CDC14B: variants seen among roughly 807,000 people sequenced by gnomAD.
CDC14B encodes dual specificity protein phosphatase CDC14B.
CDC14B carries 22 observed loss-of-function variants against 64.2 expected under a neutral mutation model. That is an observed-to-expected ratio of 0.34 (90% CI 0.24 to 0.49). CDC14B has a LOEUF of 0.49. Ranked by LOEUF, CDC14B falls within the 20% of genes least tolerant of loss-of-function variation. The pLI, the probability that CDC14B is intolerant of heterozygous loss-of-function variation, is 0.99. For synonymous variants in CDC14B, 191 were observed against 215.8 expected (o/e 0.89, Z 1.01); for missense variants, 498 against 629.9 (o/e 0.79, Z 2.24).
intron 1 of CDC14B, chr9:96,567,113 G>C: frequency 6.1e-6 from 4 of 660,368 alleles, no homozygotes; most frequent in Non-Finnish European, 9.4e-6. Context: ...CCCCAGCTGG[G>C]AACGCGGGGC....
At chr9:96,543,229 C>G (rs1840330513) in intron 5 of CDC14B, among the ~76,000 whole-genome samples, 1 of 151,162 alleles carries the variant, frequency 6.6e-6, no homozygotes, top group South Asian at 2.1e-4. Context: ...CCAGCTACTC[C>G]GAGGCTGAGG....
chr9:96,561,645 A>AT (rs1011042940), intron 4 of CDC14B, among the ~76,000 whole-genome samples: 1 of 145,782 alleles, frequency 6.9e-6, no homozygotes, highest in African/African-American at 2.6e-5. Context: ...CGCCCGGCTC[A>AT]TTTTTTGTAT....
chr9:96,569,218 T>G (rs1844331303), intron 1 of CDC14B, among the ~76,000 whole-genome samples: 1 of 152,190 alleles, frequency 6.6e-6, no homozygotes, highest in African/African-American at 2.4e-5. Context: ...ACAGTGTTTT[T>G]CCAAAGCCGA....
At position 96,517,643 on chromosome 9, in the gene CDC14B, C is replaced by CAAA. The variant is rs1016405679; in HGVS notation, c.1343+4860_1343+4862dup. Among the ~76,000 whole-genome samples the CAAA allele has an allele frequency of 1.4e-3, 49 of 34,216 alleles. 1 individual carries two copies. The highest frequency in any genetic ancestry group is 2.5e-3 in the African/African-American group (17 of 6,778). 22.4% of individuals were successfully genotyped at this position (34,216 alleles called of 152,430 possible). ...TGGGCGACAGAGCAAGACTCCGTCT[C>CAAA]AAAAAAAAAAAAAAAAAAAAAGAAG... On this transcript the variant is annotated intron_variant, in intron 12 of 13. Coordinates refer to ENST00000375241, the MANE Select transcript of CDC14B (RefSeq NM_033331.4).
In CDC14B at chr9:96,503,786, G is replaced by A. The variant is rs754546622; in HGVS notation, c.1464C>T (p.Leu488=). 3.1e-6 allele frequency: 5 copies of A among 1,613,626 alleles called. No individual in the cohort carries two copies. The highest frequency in any genetic ancestry group is 4.2e-6 in the Non-Finnish European group (5 of 1,179,762). ...AGACTGTTTTAGTCCTTGAAATGGA[G>A]AGACTACAGGGGGAAAAAAAAGGAT... ...SASRKSSVKS[L]SISRTKTVLR The change falls in exon 14 of 14, where the codon CTC becomes CTT. Residue 488 remains leucine (L), a synonymous_variant. Coordinates refer to ENST00000375241, the MANE Select transcript of CDC14B (RefSeq NM_033331.4).
intron 4 of CDC14B, among the ~76,000 whole-genome samples, chr9:96,554,730 T>C (rs1842279407): frequency 6.6e-6 from 1 of 152,210 alleles, no homozygotes; most frequent in Non-Finnish European, 1.5e-5. Flanking sequence ...TATTTGCCAA[T>C]CTATAACTTT....
At chr9:96,530,785 T>C (rs1054890453) in intron 9 of CDC14B, among the ~76,000 whole-genome samples, 2 of 152,144 alleles carry the variant, frequency 1.3e-5, no homozygotes, top group Admixed American at 6.6e-5. Context: ...CCATTGAGTA[T>C]GATGTTAGCT....
chr9:96,589,686 C>T (rs774140163), intron 1 of CDC14B, among the ~76,000 whole-genome samples: 18 of 152,202 alleles, frequency 1.2e-4, no homozygotes, highest in East Asian at 1.9e-4. Flanking sequence ...AGGCCGGGCA[C>T]GGTGGCTCAC....
chr9:96,617,276 A>G (rs1460426453), intron 1 of CDC14B, among the ~76,000 whole-genome samples: 5 of 151,746 alleles, frequency 3.3e-5, no homozygotes, highest in Non-Finnish European at 5.9e-5. Flanking sequence ...GAAGTTGATT[A>G]ATTGGTGACT....
At chr9:96,511,050 G>A (rs546033071) in intron 12 of CDC14B, among the ~76,000 whole-genome samples, 1 of 152,278 alleles carries the variant, frequency 6.6e-6, no homozygotes, top group African/African-American at 2.4e-5. Flanking sequence ...ACATAAAGGT[G>A]AGAAAGCCAA....
At chr9:96,605,672 A>C (rs997726747) in intron 1 of CDC14B, among the ~76,000 whole-genome samples, 9 of 152,214 alleles carry the variant, frequency 5.9e-5, no homozygotes, top group Admixed American at 5.9e-4. Context: ...CACTGACTGC[A>C]GACATATATA....
intron 1 of CDC14B, among the ~76,000 whole-genome samples, chr9:96,599,041 T>A (rs1476620380): frequency 6.6e-6 from 1 of 152,246 alleles, no homozygotes; most frequent in East Asian, 1.9e-4. Flanking sequence ...CCGTATCTTA[T>A]AATTAGTAAC....
intron 1 of CDC14B, among the ~76,000 whole-genome samples, chr9:96,617,472 T>C (rs745912579): frequency 6.6e-5 from 10 of 152,262 alleles, no homozygotes; most frequent in South Asian, 2.1e-4. Flanking sequence ...AATGGTTTTA[T>C]TCATAAAACC....
At chr9:96,596,212 A>G (rs1055718413) in intron 1 of CDC14B, among the ~76,000 whole-genome samples, 25 of 152,124 alleles carry the variant, frequency 1.6e-4, no homozygotes, top group African/African-American at 5.8e-4. Flanking sequence ...AAATATAAAA[A>G]TTAGCCGGGC....
chr9:96,500,238 T>A lies in CDC14B; in HGVS notation c.*3515A>T, dbSNP rs1313418359. On this transcript the variant is annotated 3_prime_UTR_variant, in exon 14 of 14. Transcript: ENST00000375241. ...CAATATGTATCAAACTACATACATA[T>A]GCAAAGTTTACACGCCATTAGGAAG... 6.6e-6 allele frequency: 1 copy of A among 152,658 alleles called. No homozygotes were observed. Among genetic ancestry groups the A allele is most frequent in the Non-Finnish European group, 1.5e-5 (1 of 68,048 alleles). 9.5% of individuals were successfully genotyped at this position (152,658 alleles called of 1,614,324 possible).
At chr9:96,566,895 C>T in intron 1 of CDC14B, 2 of 1,550,846 alleles carry the variant, frequency 1.3e-6, no homozygotes, top group Non-Finnish European at 1.7e-6. Flanking sequence ...ACCACACCCC[C>T]GAAGTTTAAA....
intron 1 of CDC14B, among the ~76,000 whole-genome samples, chr9:96,592,368 G>A (rs555351450): frequency 4.6e-5 from 7 of 152,276 alleles, no homozygotes; most frequent in Admixed American, 3.3e-4. Flanking sequence ...GTGAACCACC[G>A]CACCCAGCCA....
At chr9:96,617,108 ATT>A (rs11336438) in intron 1 of CDC14B, among the ~76,000 whole-genome samples, 1,819 of 147,328 alleles carry the variant, frequency 0.012, 19 homozygotes, top group African/African-American at 0.037. Context: ...ATCTGATAGG[ATT>A]TTTTTTTTTT....
intron 9 of CDC14B, among the ~76,000 whole-genome samples, chr9:96,533,212 G>A (rs1326044726): frequency 6.6e-5 from 10 of 152,072 alleles, no homozygotes; most frequent in South Asian, 2.1e-4. Flanking sequence ...CAGGCGATCC[G>A]CCCGCCATGG....
Sources: gnomAD v4.1 joint callset for allele counts (sites outside exome capture counted in the v4.1 genomes callset) on GRCh38, gnomAD v4.1.1 for gene constraint, MANE v1.5 for transcripts, NCBI Gene and HGNC (gene_info 2026-07-23, HGNC 2026-07-21) for gene names.